KCNIP1: variants seen among roughly 807,000 people sequenced by gnomAD.
KCNIP1 encodes potassium voltage-gated channel interacting protein 1, also known as A-type potassium channel modulatory protein KCNIP1.
Under a neutral mutation model 33.0 loss-of-function variants are expected in KCNIP1, and 18 were observed. The ratio of observed to expected loss-of-function variants is 0.55; its 90% CI spans 0.38 to 0.81. The LOEUF (loss-of-function observed/expected upper bound fraction) is 0.81. Ranked by LOEUF, KCNIP1 falls within the 30% of genes least tolerant of loss-of-function variation. The pLI, the probability that KCNIP1 is intolerant of heterozygous loss-of-function variation, is 0.00. For missense variants in KCNIP1, 238 were observed against 271.6 expected, an observed-to-expected ratio of 0.88 and a Z score of 0.87; for synonymous variants, 93 against 98.3, an observed-to-expected ratio of 0.95 and a Z score of 0.32.
intron 1 of KCNIP1, among the ~76,000 whole-genome samples, chr5:170,518,485 A>G (rs1279682688): frequency 6.6e-6 from 1 of 152,238 alleles, no homozygotes; most frequent in African/African-American, 2.4e-5. Flanking sequence ...TGGCTGGTAC[A>G]TCGTCAAGTC....
At chr5:170,622,092 T>G (rs1336574347) in intron 1 of KCNIP1, among the ~76,000 whole-genome samples, 1 of 152,220 alleles carries the variant, frequency 6.6e-6, no homozygotes. Flanking sequence ...CCTTCCAGTT[T>G]GTCAAGGATG....
chr5:170,418,085 C>A (rs1755379805), intron 1 of KCNIP1, among the ~76,000 whole-genome samples: 1 of 152,246 alleles, frequency 6.6e-6, no homozygotes, highest in Non-Finnish European at 1.5e-5. Context: ...TTTTTTACAT[C>A]TCATCAGTGC....
At chr5:170,437,747 C>T (rs183788772) in intron 1 of KCNIP1, among the ~76,000 whole-genome samples, 3 of 152,198 alleles carry the variant, frequency 2.0e-5, no homozygotes, top group Non-Finnish European at 2.9e-5. Context: ...TCCTCCAGCC[C>T]GCCATGCTTC....
chr5:170,530,773 T>C (rs894604890), intron 1 of KCNIP1, among the ~76,000 whole-genome samples: 24 of 152,304 alleles, frequency 1.6e-4, no homozygotes, highest in African/African-American at 5.8e-4. Flanking sequence ...AGGATGTGGA[T>C]GAAGCGTGAA....
chr5:170,524,886 G>C (rs75759770), intron 1 of KCNIP1, among the ~76,000 whole-genome samples: 3,815 of 152,280 alleles, frequency 0.025, 182 homozygotes, highest in African/African-American at 0.087. Flanking sequence ...TTTGAGGGCT[G>C]ACTAGTGGTG....
intron 1 of KCNIP1, among the ~76,000 whole-genome samples, chr5:170,496,973 G>A (rs946168552): frequency 2.1e-4 from 32 of 152,092 alleles, no homozygotes; most frequent in African/African-American, 7.7e-4. Context: ...CTAGGACTTT[G>A]GTGCCTTTGA....
intron 1 of KCNIP1, among the ~76,000 whole-genome samples, chr5:170,394,678 G>A (rs1450323056): frequency 6.6e-6 from 1 of 152,164 alleles, no homozygotes; most frequent in Non-Finnish European, 1.5e-5. Flanking sequence ...TGACGTTTGA[G>A]CTTCTATTGA....
chr5:170,353,528 C>T (rs977032688), exon 1 of KCNIP1: 6 of 332,938 alleles, frequency 1.8e-5, no homozygotes, highest in Admixed American at 1.8e-4. Flanking sequence ...TCCAGCTCCT[C>T]CCTCCCTGCT....
At chr5:170,533,076 A>C (rs1379076024) in intron 1 of KCNIP1, among the ~76,000 whole-genome samples, 1 of 152,152 alleles carries the variant, frequency 6.6e-6, no homozygotes, top group Non-Finnish European at 1.5e-5. Context: ...GCAGTTGTAA[A>C]AGTCTGTTTA....
intron 1 of KCNIP1, among the ~76,000 whole-genome samples, chr5:170,442,010 A>G (rs1332746630): frequency 6.6e-6 from 1 of 151,890 alleles, no homozygotes; most frequent in Non-Finnish European, 1.5e-5. Flanking sequence ...TTACTACAAT[A>G]AGCATAGCTG....
chr5:170,414,253 T>G (rs993905), intron 1 of KCNIP1, among the ~76,000 whole-genome samples: 1 of 152,108 alleles, frequency 6.6e-6, no homozygotes, highest in African/African-American at 2.4e-5. Context: ...CCGATGAAGC[T>G]TTTTAGGAAA....
intron 1 of KCNIP1, among the ~76,000 whole-genome samples, chr5:170,356,162 C>T (rs1466965214): frequency 6.6e-6 from 1 of 152,196 alleles, no homozygotes; most frequent in Non-Finnish European, 1.5e-5. Flanking sequence ...TAGATTCAAC[C>T]CTACATGGAT....
intron 1 of KCNIP1, among the ~76,000 whole-genome samples, chr5:170,681,975 AAT>A: frequency 6.6e-6 from 1 of 152,374 alleles, no homozygotes; most frequent in South Asian, 2.1e-4. Flanking sequence ...ATCAAACTCC[AAT>A]AGTGTATATC....
intron 1 of KCNIP1, among the ~76,000 whole-genome samples, chr5:170,541,326 C>T (rs114569614): frequency 0.011 from 1,737 of 152,318 alleles, 33 homozygotes; most frequent in African/African-American, 0.039. Flanking sequence ...CATTTCTCAC[C>T]GTCACCCCCT....
intron 1 of KCNIP1, chr5:170,561,023 G>A (rs922355484): frequency 1.1e-4 from 48 of 446,284 alleles, no homozygotes; most frequent in Middle Eastern, 3.4e-4. Flanking sequence ...GAGGGCATCC[G>A]TGCCATCCAA....
At chr5:170,662,089 T>C (rs1389871135) in intron 1 of KCNIP1, among the ~76,000 whole-genome samples, 1 of 152,168 alleles carries the variant, frequency 6.6e-6, no homozygotes, top group Admixed American at 6.5e-5. Flanking sequence ...GTAGACACAC[T>C]GTAGGTAGCA....
rs537235205 is a variant in KCNIP1, at chr5:170,409,791, T to G, written c.88+55827T>G. Among the ~76,000 whole-genome samples, 9 of 152,274 alleles carry G rather than the reference T, an allele frequency of 5.9e-5. No individual in the cohort carries two copies. The South Asian group carries it at 1.9e-3, about 32-fold the overall frequency. ...CTAAGAGCTGAGGAATTTGGTTGAG[T>G]TACATACCCTCAGTGTGCCTCAGTG... On this transcript the variant is annotated intron_variant, in intron 1 of 7. Transcript: ENST00000377360.
At chr5:170,604,119 G>C (rs1758803967) in intron 1 of KCNIP1, among the ~76,000 whole-genome samples, 1 of 152,162 alleles carries the variant, frequency 6.6e-6, no homozygotes, top group South Asian at 2.1e-4. Flanking sequence ...CCAGGGAAGA[G>C]GAGGGGCTTT....
At chr5:170,394,157 C>T (rs542586794) in intron 1 of KCNIP1, among the ~76,000 whole-genome samples, 1 of 152,288 alleles carries the variant, frequency 6.6e-6, no homozygotes, top group Admixed American at 6.5e-5. Context: ...TCCTGGCCAG[C>T]TCTTCCTCTT....
Sources: allele counts gnomAD v4.1 joint callset (sites outside exome capture counted in the v4.1 genomes callset), GRCh38; gene constraint gnomAD v4.1.1; transcripts MANE v1.5; gene names NCBI Gene and HGNC (gene_info 2026-07-23, HGNC 2026-07-21).